The following CTIF variants were observed in gnomAD, a reference collection of about 807,000 sequenced individuals.
The protein encoded by CTIF is CBP80/20-dependent translation initiation factor.
A neutral mutation model predicts 66.0 loss-of-function variants in CTIF; 21 were observed. That is an observed-to-expected ratio of 0.32 (90% CI 0.23 to 0.46). The LOEUF is 0.46. Among genes scored for constraint, CTIF ranks in the 20% least tolerant of loss-of-function variants. The pLI is 1.00. For missense variants in CTIF, 739 were observed against 812.7 expected (o/e 0.91, Z 1.10); for synonymous variants, 345 against 326.4 (o/e 1.06, Z -0.62).
chr18:48,695,885 T>C (rs1397351272), intron 6 of CTIF, among the ~76,000 whole-genome samples: 1 of 152,254 alleles, frequency 6.6e-6, no homozygotes, highest in Non-Finnish European at 1.5e-5. Flanking sequence ...CGCAGGGAAC[T>C]TCCTGCCATT....
chr18:48,847,118 G>C (rs911375100), intron 10 of CTIF, among the ~76,000 whole-genome samples: 6 of 151,968 alleles, frequency 3.9e-5, no homozygotes, highest in Non-Finnish European at 5.9e-5. Context: ...GACCATCCCG[G>C]CCAACATGGT....
intron 3 of CTIF, 116 bp from the exon 4 acceptor site, chr18:48,663,636 C>A: frequency 1.1e-6 from 1 of 891,656 alleles, no homozygotes; most frequent in Non-Finnish European, 1.9e-6. Context: ...GTGCACCAGC[C>A]ACCATACTCA....
intron 7 of CTIF, among the ~76,000 whole-genome samples, chr18:48,733,402 T>C (rs996493851): frequency 1.3e-5 from 2 of 152,144 alleles, no homozygotes; most frequent in African/African-American, 2.4e-5. Flanking sequence ...GAGTGTTGAA[T>C]AGGGCTAGCT....
At chr18:48,773,526 TC>T (rs1910372049) in intron 9 of CTIF, among the ~76,000 whole-genome samples, 1 of 152,174 alleles carries the variant, frequency 6.6e-6, no homozygotes, top group Non-Finnish European at 1.5e-5. Context: ...GGAACTGTGC[TC>T]CCCTAGCGCT....
chr18:48,610,423 G>T (rs1240650322), intron 1 of CTIF, among the ~76,000 whole-genome samples: 1 of 133,346 alleles, frequency 7.5e-6, no homozygotes, highest in African/African-American at 3.4e-5. Context: ...CCACCTGGAT[G>T]CCCACCTGGA....
In CTIF at chr18:48,836,922, T is replaced by C. The variant is rs1403904341; in HGVS notation, c.1527+19546T>C. ...GGGCCCAGTGGGACACCCTGGGAAA[T>C]TGTCAGCTACTAGTCCTGCATCCCT... is the stretch of plus-strand genomic sequence containing the variant. On this transcript the variant is annotated intron_variant, in intron 10 of 11. Coordinates refer to ENST00000256413, the MANE Select transcript of CTIF (RefSeq NM_014772.3). Among the ~76,000 whole-genome samples the C allele has an allele frequency of 2.0e-5, 3 of 152,184 alleles. No homozygotes were observed. The East Asian group carries it at 5.8e-4, about 29-fold the overall frequency.
In CTIF at chr18:48,571,578, C is replaced by G. The variant is rs1369004359; in HGVS notation, c.-29+32266C>G. Among the ~76,000 whole-genome samples, 3 of 152,264 alleles carry G rather than the reference C, an allele frequency of 2.0e-5. No homozygotes were observed. In the East Asian group the frequency reaches 5.8e-4, roughly 29 times the overall value. On this transcript the variant is annotated intron_variant, in intron 1 of 11. Transcript: ENST00000256413. ...TCTGAAAATGCTATTTTGTACCTTG[C>G]TTTTTTCATCTAAGAGAATATTCCA...
At chr18:48,651,588 CT>C (rs2091157060) in intron 3 of CTIF, among the ~76,000 whole-genome samples, 1 of 152,194 alleles carries the variant, frequency 6.6e-6, no homozygotes, top group African/African-American at 2.4e-5. Flanking sequence ...ATATCCAGGA[CT>C]TGAGCTTAGC....
At chr18:48,826,324 TCTCC>T (rs1205861710) in intron 10 of CTIF, 6 of 152,132 alleles carry the variant, frequency 3.9e-5, no homozygotes, top group Non-Finnish European at 7.3e-5. Context: ...TGAGGTCCAT[TCTCC>T]CAACGGGGCA....
chr18:48,855,161 A>G (rs1307143158), intron 10 of CTIF, among the ~76,000 whole-genome samples: 1 of 152,114 alleles, frequency 6.6e-6, no homozygotes, highest in African/African-American at 2.4e-5. Flanking sequence ...TCGAAGTGCC[A>G]CCTCGGCATC....
At chr18:48,848,000 G>T (rs1397439753) in intron 10 of CTIF, among the ~76,000 whole-genome samples, 1 of 152,160 alleles carries the variant, frequency 6.6e-6, no homozygotes, top group African/African-American at 2.4e-5. Flanking sequence ...TCCAGGTCCC[G>T]CAGAGGCACA....
At position 48,590,676 on chromosome 18, in the gene CTIF, G is replaced by T. The variant is rs369293075; in HGVS notation, c.-28-28862G>T. Among the ~76,000 whole-genome samples the T allele has an allele frequency of 4.7e-4, 72 of 152,280 alleles. 2 individuals carry two copies. In the South Asian group the frequency reaches 0.014, roughly 29 times the overall value. ...GGGACTCCCTCCAGGCACCACCTTCGCCAGAGACCAGAAGAGGATGGCCAC... is the reference window on the plus strand; with the variant it reads ...GGGACTCCCTCCAGGCACCACCTTCTCCAGAGACCAGAAGAGGATGGCCAC... On this transcript the variant is annotated intron_variant, in intron 1 of 11. Transcript: ENST00000256413.
At chr18:48,740,503 A>C in intron 7 of CTIF, among the ~76,000 whole-genome samples, 1 of 151,962 alleles carries the variant, frequency 6.6e-6, no homozygotes, top group East Asian at 1.9e-4. Context: ...TTCTCCAGAA[A>C]CCTCACCCAG....
At chr18:48,639,410 C>T (rs929419376) in intron 3 of CTIF, among the ~76,000 whole-genome samples, 1 of 152,112 alleles carries the variant, frequency 6.6e-6, no homozygotes, top group East Asian at 1.9e-4. Context: ...AAAAAATGCA[C>T]CCTGCACGGC....
At chr18:48,546,802 G>C (rs547389252) in intron 1 of CTIF, among the ~76,000 whole-genome samples, 2 of 152,302 alleles carry the variant, frequency 1.3e-5, no homozygotes, top group South Asian at 2.1e-4. Flanking sequence ...CAGCCCGTCC[G>C]CATGGGGGAT....
At chr18:48,606,648 G>A (rs988919896) in intron 1 of CTIF, among the ~76,000 whole-genome samples, 1 of 152,208 alleles carries the variant, frequency 6.6e-6, no homozygotes, top group Non-Finnish European at 1.5e-5. Context: ...CAGGAGGGAC[G>A]ACAGGGTCTA....
intron 9 of CTIF, among the ~76,000 whole-genome samples, chr18:48,811,990 T>G (rs2068266819): frequency 6.6e-6 from 1 of 152,094 alleles, no homozygotes; most frequent in Non-Finnish European, 1.5e-5. Flanking sequence ...TGAGATGGAG[T>G]CTCACTCTGT....
Position 48,664,434 on chromosome 18 carries a change from C to T in CTIF, c.327-13C>T, listed in dbSNP as rs1181770143. On this transcript the variant is annotated splice_polypyrimidine_tract_variant and intron_variant, in intron 4 of 11. Transcript: ENST00000256413. ...CCTCTTGCCTCCGTTTCTCACCCTCCCTCGCCCTCTAGTGGTGCCACCTGG... is the reference window on the plus strand; with the variant it reads ...CCTCTTGCCTCCGTTTCTCACCCTCTCTCGCCCTCTAGTGGTGCCACCTGG... 2 of 1,610,136 alleles carry T rather than the reference C, an allele frequency of 1.2e-6. No individual in the cohort carries two copies. Among genetic ancestry groups the T allele is most frequent in the African/African-American group, 2.7e-5 (2 of 74,856 alleles).
intron 9 of CTIF, among the ~76,000 whole-genome samples, chr18:48,802,869 G>T (rs986027416): frequency 5.3e-5 from 8 of 152,198 alleles, no homozygotes; most frequent in Non-Finnish European, 5.9e-5. Flanking sequence ...TGTCCCACTG[G>T]TATTCTTCAT....
Sources: gnomAD v4.1 joint callset for allele counts (sites outside exome capture counted in the v4.1 genomes callset) on GRCh38, gnomAD v4.1.1 for gene constraint, MANE v1.5 for transcripts, NCBI Gene and HGNC (gene_info 2026-07-23, HGNC 2026-07-21) for gene names.